Variants in RIPK1 observed in about 807,000 individuals in gnomAD.
RIPK1 encodes receptor-interacting serine/threonine-protein kinase 1.
In RIPK1, 27 loss-of-function variants were observed where a neutral mutation model predicts 62.4. The ratio of observed to expected loss-of-function variants is 0.43; its 90% confidence interval spans 0.32 to 0.60. The LOEUF (loss-of-function observed/expected upper bound fraction) is 0.60. Ranked by LOEUF, RIPK1 falls within the 20% of genes least tolerant of loss-of-function variation. RIPK1 has a pLI of 0.07. For synonymous variants in RIPK1, 287 were observed against 303.2 expected (o/e 0.95, Z 0.55); for missense variants, 735 against 831.0 (o/e 0.88, Z 1.42).
intron 7 of RIPK1, among the ~76,000 whole-genome samples, chr6:3,101,085 A>G (rs910919545): frequency 2.0e-5 from 3 of 151,878 alleles, no homozygotes; most frequent in African/African-American, 7.3e-5. Context: ...CCAGTTCAAA[A>G]CCAGCAACAT....
intron 6 of RIPK1, among the ~76,000 whole-genome samples, chr6:3,086,179 G>T (rs893847337): frequency 5.9e-5 from 9 of 152,190 alleles, no homozygotes; most frequent in Non-Finnish European, 1.3e-4. Flanking sequence ...ATGTACCACG[G>T]TTTGGTTAAC....
upstream of RIPK1, among the ~76,000 whole-genome samples, chr6:3,064,288 C>CT (rs1230912377): frequency 6.6e-6 from 1 of 152,190 alleles, no homozygotes; most frequent in Non-Finnish European, 1.5e-5. Context: ...CGCCGCCCTC[C>CT]CCGGCGCCTC....
At chr6:3,083,367 G>T in intron 5 of RIPK1, 54 bp downstream of exon 5, 1 of 1,451,328 alleles carries the variant, frequency 6.9e-7, no homozygotes, top group Non-Finnish European at 9.4e-7. Context: ...CACGCACTGT[G>T]CCTGGAACTA....
At chr6:3,096,501 C>G (rs1333070763) in intron 7 of RIPK1, among the ~76,000 whole-genome samples, 1 of 148,406 alleles carries the variant, frequency 6.7e-6, no homozygotes, top group East Asian at 2.0e-4. Context: ...GATGTCAGCT[C>G]TTCTCAAATT....
chr6:3,089,558 T>A, intron 6 of RIPK1, 23 bp from the exon 7 acceptor site: 1 of 1,072,256 alleles, frequency 9.3e-7, no homozygotes, highest in South Asian at 1.3e-5. Flanking sequence ...TTAAGAAATT[T>A]AAAGTACATT....
intron 1 of RIPK1, among the ~76,000 whole-genome samples, chr6:3,073,462 G>A (rs1758868643): frequency 6.6e-6 from 1 of 152,032 alleles, no homozygotes; most frequent in South Asian, 2.1e-4. Context: ...ATAGTGGAGG[G>A]CCCGTGCTCT....
chr6:3,076,501 C>G (rs1453487263), intron 1 of RIPK1, among the ~76,000 whole-genome samples: 1 of 151,152 alleles, frequency 6.6e-6, no homozygotes, highest in East Asian at 2.0e-4. Context: ...GATCCCCCGG[C>G]CCCCCCATCT....
chr6:3,098,252 A>C (rs145973378), intron 7 of RIPK1, among the ~76,000 whole-genome samples: 1 of 152,388 alleles, frequency 6.6e-6, no homozygotes, highest in African/African-American at 2.4e-5. Flanking sequence ...AAAGGACTTG[A>C]ATACATAAAA....
chr6:3,065,817 A>C (rs1387693993), upstream of RIPK1, among the ~76,000 whole-genome samples: 1 of 152,132 alleles, frequency 6.6e-6, no homozygotes, highest in Non-Finnish European at 1.5e-5. Flanking sequence ...CAGTTCCTTC[A>C]TCTCATGCAC....
intron 5 of RIPK1, among the ~76,000 whole-genome samples, chr6:3,084,219 TG>T (rs1335855369): frequency 6.6e-6 from 1 of 152,192 alleles, no homozygotes; most frequent in Non-Finnish European, 1.5e-5. Context: ...GCAGCCAAAA[TG>T]GTCGTCCTAA....
intron 7 of RIPK1, among the ~76,000 whole-genome samples, chr6:3,094,205 A>G (rs138152974): frequency 0.034 from 4,140 of 120,932 alleles, 961 homozygotes; most frequent in African/African-American, 0.22. Flanking sequence ...ACTGCAGAGT[A>G]CCTACCTGCT....
intron 1 of RIPK1, among the ~76,000 whole-genome samples, chr6:3,073,016 C>G (rs916322831): frequency 6.6e-6 from 1 of 152,114 alleles, no homozygotes; most frequent in African/African-American, 2.4e-5. Context: ...GGAAACAACA[C>G]CCGTGTGGAT....
rs1300028453 is a variant in RIPK1, at chr6:3,087,757, T to TCTCGATCTC, written c.839-1821_839-1820insGATCTCCTC. On this transcript the variant is annotated intron_variant, in intron 6 of 10. Transcript: ENST00000259808. ...GGTTTCACCGTGTTAGCCAGGATGGTCTCCATCTCCTGACCTTGTGATCAG... is the reference window on the plus strand; with the variant it reads ...GGTTTCACCGTGTTAGCCAGGATGGTCTCGATCTCCTCCATCTCCTGACCTTGTGATCAG... 1.1e-3 allele frequency among the ~76,000 whole-genome samples: 158 copies of TCTCGATCTC among 149,724 alleles called. 1 individual carries two copies. Among genetic ancestry groups the TCTCGATCTC allele is most frequent in the African/African-American group, 3.8e-3 (151 of 40,094 alleles).
chr6:3,081,124 A>G lies in RIPK1; in HGVS notation c.459+8A>G. ...AATGACTTCCACATTAAGGTAAACC[A>G]TCATCGGTAGGCTTCCAGAAAGTTG... On this transcript the variant is annotated splice_region_variant and intron_variant, in intron 4 of 10. Transcript: ENST00000259808. 1.2e-6 allele frequency: 2 copies of G among 1,612,014 alleles called. No homozygotes were observed. The highest frequency in any genetic ancestry group is 2.2e-5 in the East Asian group (1 of 44,870).
intron 9 of RIPK1, among the ~76,000 whole-genome samples, chr6:3,108,762 T>C (rs1218828769): frequency 2.6e-5 from 4 of 152,174 alleles, no homozygotes; most frequent in Admixed American, 2.6e-4. Context: ...GACCCCAGTT[T>C]CAGCAGCTTC....
In RIPK1 at chr6:3,105,753, C is replaced by T. The variant is rs374657927; in HGVS notation, c.1278C>T (p.Tyr426=). 5.7e-5 allele frequency: 92 copies of T among 1,614,198 alleles called. No individual in the cohort carries two copies. The highest frequency in any genetic ancestry group is 2.2e-4 in the Admixed American group (13 of 60,028). Residue 426 remains tyrosine (Y), a synonymous_variant, in exon 9 of 11, where the codon TAC becomes TAT. Coordinates refer to ENST00000259808, the MANE Select transcript of RIPK1 (RefSeq NM_001354930.2). This position sits in a 1 kb window ranked among gnomAD's most constrained non-coding sequence, Gnocchi z 4.5. ...ACCCTTTTGCACAGCAAAGACCTTACGAGAATTTTCAGAATACAGAGGGAA... is the reference window on the plus strand; with the variant it reads ...ACCCTTTTGCACAGCAAAGACCTTATGAGAATTTTCAGAATACAGAGGGAA... ...SHDPFAQQRP[Y]ENFQNTEGKG... is the part of the protein sequence containing the mutation.
intron 3 of RIPK1, among the ~76,000 whole-genome samples, chr6:3,079,020 C>A (rs917893706): frequency 6.6e-6 from 1 of 152,018 alleles, no homozygotes; most frequent in Non-Finnish European, 1.5e-5. Context: ...TTAAATGATC[C>A]TCTCACCTCA....
At chr6:3,083,464 GT>G in intron 5 of RIPK1, 151 bp downstream of exon 5, 1 of 661,108 alleles carries the variant, frequency 1.5e-6, no homozygotes, top group Non-Finnish European at 2.6e-6. Context: ...CCTCGATAGT[GT>G]GTCATTAGCT....
chr6:3,094,674 T>C (rs1360704521), intron 7 of RIPK1, among the ~76,000 whole-genome samples: 1 of 150,794 alleles, frequency 6.6e-6, no homozygotes, highest in East Asian at 1.9e-4. Context: ...AAAAAAGAAG[T>C]AAATAATAAG....
Sources: gnomAD v4.1 joint callset for allele counts (sites outside exome capture counted in the v4.1 genomes callset) on GRCh38, gnomAD v4.1.1 for gene constraint, Gnocchi (gnomAD v3.1) non-coding constraint, MANE v1.5 for transcripts, NCBI Gene and HGNC (gene_info 2026-07-23, HGNC 2026-07-21) for gene names.